CHAT: variants seen among roughly 807,000 people sequenced by gnomAD.
CHAT encodes the protein choline O-acetyltransferase.
CHAT carries 61 observed loss-of-function variants against 76.9 expected under a neutral mutation model. The ratio of observed to expected loss-of-function variants is 0.79; its 90% CI spans 0.65 to 0.98. The LOEUF (loss-of-function observed/expected upper bound fraction) is 0.98, where lower values mean the gene tolerates loss of function less well. Among genes scored for constraint, CHAT ranks in the 50% least tolerant of loss-of-function variants. The probability of loss-of-function intolerance (pLI) is 0.00; values close to 1 mark genes in which losing one functional copy is unlikely to be tolerated. For missense variants in CHAT, 946 were observed against 986.9 expected, an observed-to-expected ratio of 0.96 and a Z score of 0.56; for synonymous variants, 407 against 397.4, an observed-to-expected ratio of 1.02 and a Z score of -0.29.
intron 7 of CHAT, among the ~76,000 whole-genome samples, chr10:49,632,419 C>T (rs567238866): frequency 4.6e-5 from 7 of 152,244 alleles, no homozygotes; most frequent in African/African-American, 1.2e-4. Context: ...ATTAACTCCA[C>T]GGAAAGGGTT....
chr10:49,628,436 C>T (rs1185557699), intron 7 of CHAT, among the ~76,000 whole-genome samples: 1 of 152,270 alleles, frequency 6.6e-6, no homozygotes, highest in East Asian at 1.9e-4. Flanking sequence ...TTCTGTGAGT[C>T]TTTATTTACC....
chr10:49,616,019 G>A (rs774993410), intron 1 of CHAT: 30 of 1,611,906 alleles, frequency 1.9e-5, no homozygotes, highest in African/African-American at 6.7e-5. Flanking sequence ...CTCCACCAAC[G>A]GAGTGAGGGA....
At chr10:49,622,286 C>T (rs982759832) in intron 5 of CHAT, 136 bp downstream of exon 5, 3 of 891,812 alleles carry the variant, frequency 3.4e-6, no homozygotes, top group Non-Finnish European at 5.6e-6. Context: ...CCTGCCCCAA[C>T]CCACTCCCCC....
chr10:49,647,014 G>C (rs2132801819), intron 8 of CHAT: 1 of 406,660 alleles, frequency 2.5e-6, no homozygotes, highest in South Asian at 2.4e-5. Flanking sequence ...TGTGAGGTGG[G>C]GGTGTGCCAG....
chr10:49,651,663 C>T (rs1839882965), intron 10 of CHAT: 1 of 536,552 alleles, frequency 1.9e-6, no homozygotes, highest in Admixed American at 3.1e-5. Context: ...CTCAGCTGAG[C>T]TCACCTTGGG....
At position 49,658,378 on chromosome 10, in the gene CHAT, G is replaced by A. The variant is rs190354147; in HGVS notation, c.1839+2930G>A. Reference sequence around the variant, plus strand: ...TAAAAATACAAAAAATTAGCCAGGCGTGGTTGCACATGCCTGCAATCCCAG... The same window carrying A: ...TAAAAATACAAAAAATTAGCCAGGCATGGTTGCACATGCCTGCAATCCCAG... On this transcript the variant is annotated intron_variant, in intron 13 of 14. Coordinates refer to ENST00000337653, the MANE Select transcript of CHAT (RefSeq NM_020549.5). Among the ~76,000 whole-genome samples the A allele has an allele frequency of 1.8e-3, 270 of 152,268 alleles. 1 individual carries two copies. Among genetic ancestry groups the A allele is most frequent in the African/African-American group, 6.4e-3 (264 of 41,538 alleles).
chr10:49,649,950 G>T (rs1839822235), intron 10 of CHAT, among the ~76,000 whole-genome samples: 1 of 150,238 alleles, frequency 6.7e-6, no homozygotes, highest in African/African-American at 2.5e-5. Context: ...TGCTTTAGGG[G>T]GAGTAATAAA....
chr10:49,627,571 C>A lies in CHAT; in HGVS notation c.934-37C>A, dbSNP rs758829478. 5.6e-6 allele frequency: 9 copies of A among 1,610,982 alleles called. No individual in the cohort carries two copies. In the South Asian group the frequency reaches 7.7e-5, roughly 14 times the overall value. On this transcript the variant is annotated intron_variant, in intron 6 of 14. Coordinates refer to ENST00000337653, the MANE Select transcript of CHAT (RefSeq NM_020549.5). ...AGTGAAGGCCTGGTGCCACGGGCCA[C>A]CCAACAAGTGACATGTTTGACCTGT... is the stretch of plus-strand genomic sequence containing the variant.
chr10:49,614,771 GT>G (rs1171451339), intron 1 of CHAT, among the ~76,000 whole-genome samples: 1 of 152,236 alleles, frequency 6.6e-6, no homozygotes, highest in Non-Finnish European at 1.5e-5. Flanking sequence ...TCTGTGTCTA[GT>G]CGGAGGGTCC....
At position 49,655,426 on chromosome 10, in the gene CHAT, C is replaced by T; in HGVS notation, c.1817C>T (p.Ala606Val). 6.2e-7 allele frequency: 1 copy of T among 1,614,016 alleles called. No homozygotes were observed. Among genetic ancestry groups the T allele is most frequent in the Non-Finnish European group, 8.5e-7 (1 of 1,179,950 alleles). Residue 606 changes from alanine (A) to valine (V), a missense_variant, in exon 13 of 15, where the codon GCC becomes GTC. This residue lies in a region of CHAT where 349 missense variants were observed against 393.9 expected (regional missense o/e 0.89). Transcript: ENST00000337653. The stretch of plus-strand genomic sequence containing the variant: ...CTGCTCCTGAAGGATGCCATCCGTG[C>T]CCAGACTGCATACACAGTCATGGTG... ...KLLLLKDAIR[A>V]QTAYTVMAIT...
At position 49,648,508 on chromosome 10, in the gene CHAT, T is replaced by C. The variant is rs774394630; in HGVS notation, c.1283T>C (p.Phe428Ser). 2 of 1,613,162 alleles carry C rather than the reference T, an allele frequency of 1.2e-6. No homozygotes were observed. Among genetic ancestry groups the C allele is most frequent in the East Asian group, 2.2e-5 (1 of 44,860 alleles). ...CCCACTCCCTCTTTCCTGTTGCAGT[T>C]TGTGGTGGGCCGAGACGGCACCTGC... ...ANRWYDKSLQ[F>S]VVGRDGTCGV... Residue 428 changes from phenylalanine to serine, a missense_variant and splice_region_variant, in exon 9 of 15, where the codon TTT becomes TCT. Transcript: ENST00000337653.
rs754366549 is a variant in CHAT, at chr10:49,639,160, G to A, written c.1112-7345G>A. 1.0e-3 allele frequency among the ~76,000 whole-genome samples: 157 copies of A among 152,254 alleles called. 2 individuals are homozygous for A. The Middle Eastern group carries it at 0.014, about 13-fold the overall frequency. The stretch of plus-strand genomic sequence containing the variant: ...TGAGGCAGAGAATTGCTTGAACCTG[G>A]GAGGCGGAAGTTGCAGTGAGCCGAG... On this transcript the variant is annotated intron_variant, in intron 7 of 14. Transcript: ENST00000337653.
At chr10:49,609,781 G>C (rs999796889), upstream of CHAT, among the ~76,000 whole-genome samples, 1 of 152,194 alleles carries the variant, frequency 6.6e-6, no homozygotes, top group Non-Finnish European at 1.5e-5. Context: ...AGGGTTGGGG[G>C]TGTCCGTGTC....
At chr10:49,648,464 G>T (rs1186629714) in intron 8 of CHAT, 43 bp from the exon 9 acceptor site, 2 of 1,529,286 alleles carry the variant, frequency 1.3e-6, no homozygotes, top group East Asian at 2.3e-5. Flanking sequence ...GCCTTGCAAT[G>T]CTGACTCTCC....
intron 6 of CHAT, 23 bp from the exon 7 acceptor site, chr10:49,627,585 T>G: frequency 6.2e-7 from 1 of 1,613,598 alleles, no homozygotes. Context: ...ACAAGTGACA[T>G]GTTTGACCTG....
rs753652169 is a variant in CHAT, at chr10:49,655,175, C to G, written c.1715C>G (p.Ser572Trp). The change falls in exon 12 of 15, where the codon TCG (serine) becomes TGG (tryptophan). Residue 572 changes from serine to tryptophan, a missense_variant. Around this residue, in one of 3 missense-constraint regions of CHAT, gnomAD observed 349 missense variants for 393.9 expected, o/e 0.89. Coordinates refer to ENST00000337653, the MANE Select transcript of CHAT (RefSeq NM_020549.5). ...GAGGGACGCGTGGACAACATCAGAT[C>G]GGCCACTCCAGAGGCACTGGCTTTT... is the stretch of plus-strand genomic sequence containing the variant. ...FQEGRVDNIR[S>W]ATPEALAFVR... 4.3e-6 allele frequency: 7 copies of G among 1,614,060 alleles called. No individual in the cohort carries two copies. Among genetic ancestry groups the G allele is most frequent in the Non-Finnish European group, 2.5e-6 (3 of 1,180,014 alleles).
At chr10:49,626,726 G>A (rs375701704) in intron 6 of CHAT, among the ~76,000 whole-genome samples, 1 of 152,348 alleles carries the variant, frequency 6.6e-6, no homozygotes, top group East Asian at 1.9e-4. Context: ...GACACTGCTA[G>A]GGGGTTGGAG....
At position 49,620,553 on chromosome 10, in the gene CHAT, A is replaced by G; in HGVS notation, c.638A>G (p.Asn213Ser). The change falls in exon 4 of 15, where the codon AAC becomes AGC. Residue 213 changes from asparagine (N) to serine (S), a missense_variant. Asn to Ser is a conservative substitution (Grantham distance 46). This residue lies in a region of CHAT where 548 missense variants were observed against 516.2 expected (regional missense o/e 1.06). Coordinates refer to ENST00000337653, the MANE Select transcript of CHAT (RefSeq NM_020549.5). ...AACAACCGCCTGGCCCTGCCTGTCA[A>G]CTCCAGCCCTGCCGTGATCTTTGCT... Reference protein sequence around the residue: ...YLNNRLALPVNSSPAVIFARQ... With the variant: ...YLNNRLALPVSSSPAVIFARQ... 1 of 1,613,700 alleles carries G rather than the reference A, an allele frequency of 6.2e-7. No homozygotes were observed. Among genetic ancestry groups the G allele is most frequent in the Non-Finnish European group, 8.5e-7 (1 of 1,179,828 alleles).
intron 2 of CHAT, among the ~76,000 whole-genome samples, chr10:49,619,033 C>T (rs1838601245): frequency 6.6e-6 from 1 of 152,182 alleles, no homozygotes; most frequent in African/African-American, 2.4e-5. Flanking sequence ...AATTCCCTGC[C>T]TGGGTTTTAT....
Sources: gnomAD v4.1 joint callset for allele counts (sites outside exome capture counted in the v4.1 genomes callset) on GRCh38, gnomAD v4.1.1 for gene constraint, gnomAD v4.1.1 regional missense constraint, MANE v1.5 for transcripts, NCBI Gene and HGNC (gene_info 2026-07-23, HGNC 2026-07-21) for gene names.